Variants in HEMK2 observed in about 807,000 individuals in gnomAD.
HEMK2 encodes the protein HemK methyltransferase 2, ETF1 glutamine and histone H4 lysine.
the HEMK2 span, among the ~76,000 whole-genome samples, chr21:28,723,239 C>T: frequency 6.6e-6 from 1 of 152,144 alleles, no homozygotes. Flanking sequence ...TGGTCTCAAA[C>T]TCTTGGCTTC....
At chr21:28,766,623 AATAG>A in the HEMK2 span, among the ~76,000 whole-genome samples, 3 of 152,078 alleles carry the variant, frequency 2.0e-5, no homozygotes, top group Non-Finnish European at 2.9e-5. Flanking sequence ...TCAACCAACG[AATAG>A]ATAAAGAAAA....
the HEMK2 span, among the ~76,000 whole-genome samples, chr21:28,738,585 G>A: frequency 6.6e-6 from 1 of 152,174 alleles, no homozygotes; most frequent in Middle Eastern, 3.2e-3. Context: ...TGACACTTGG[G>A]TCTCCCTTTC....
the HEMK2 span, among the ~76,000 whole-genome samples, chr21:28,788,279 TACACACACACACAC>T: frequency 1.4e-5 from 2 of 147,152 alleles, no homozygotes; most frequent in South Asian, 2.2e-4. Flanking sequence ...CCATCATATA[TACACACACACACAC>T]ACACACACAC....
At chr21:28,732,811 G>A in the HEMK2 span, among the ~76,000 whole-genome samples, 2 of 152,154 alleles carry the variant, frequency 1.3e-5, no homozygotes, top group African/African-American at 4.8e-5. Flanking sequence ...TTTCTGCTGA[G>A]TCTCAGACCT....
At chr21:28,702,961 A>G in the HEMK2 span, among the ~76,000 whole-genome samples, 4 of 152,216 alleles carry the variant, frequency 2.6e-5, no homozygotes, top group Non-Finnish European at 4.4e-5. Context: ...CATATACACA[A>G]TGGAATACTA....
At chr21:28,577,878 C>T in the HEMK2 span, among the ~76,000 whole-genome samples, 1 of 152,266 alleles carries the variant, frequency 6.6e-6, no homozygotes, top group South Asian at 2.1e-4. Flanking sequence ...ATTTCTAGTA[C>T]CCTTACTTTT....
chr21:28,836,551 C>T, the HEMK2 span, among the ~76,000 whole-genome samples: 1 of 151,688 alleles, frequency 6.6e-6, no homozygotes, highest in South Asian at 2.1e-4. Context: ...AAGCATAAAT[C>T]ACACAGGACC....
chr21:28,690,437 C>A, the HEMK2 span, among the ~76,000 whole-genome samples: 14 of 152,320 alleles, frequency 9.2e-5, 1 homozygote, highest in South Asian at 2.9e-3. Flanking sequence ...CCTTATGAGA[C>A]TCATAGCAGA....
chr21:28,714,199 T>C, the HEMK2 span, among the ~76,000 whole-genome samples: 1 of 152,258 alleles, frequency 6.6e-6, no homozygotes, highest in Non-Finnish European at 1.5e-5. Context: ...CTAAGCTTTG[T>C]CTTACCCAAA....
At chr21:28,873,913 T>C in the HEMK2 span, 1 of 152,198 alleles carries the variant, frequency 6.6e-6, no homozygotes, top group Non-Finnish European at 1.5e-5. Flanking sequence ...ATTTTGCTAG[T>C]GGGTCACCAG....
the HEMK2 span, among the ~76,000 whole-genome samples, chr21:28,797,677 GA>G: frequency 6.6e-6 from 1 of 151,940 alleles, no homozygotes; most frequent in African/African-American, 2.4e-5. Context: ...TAAAAGATGG[GA>G]AAAAAATAAC....
At chr21:28,702,527 A>G in the HEMK2 span, among the ~76,000 whole-genome samples, 1 of 152,208 alleles carries the variant, frequency 6.6e-6, no homozygotes. Flanking sequence ...TCAAATGAAG[A>G]CACACACGCA....
At chr21:28,801,282 T>C in the HEMK2 span, among the ~76,000 whole-genome samples, 122 of 152,340 alleles carry the variant, frequency 8.0e-4, no homozygotes, top group Admixed American at 4.1e-3. Flanking sequence ...GGGAGCCAAC[T>C]AGAAAGAATA....
At chr21:28,748,219 T>C in the HEMK2 span, among the ~76,000 whole-genome samples, 1 of 152,188 alleles carries the variant, frequency 6.6e-6, no homozygotes, top group Non-Finnish European at 1.5e-5. Flanking sequence ...CATCACACAA[T>C]ACAGTCATGT....
chr21:28,638,183 A>G, the HEMK2 span, among the ~76,000 whole-genome samples: 2 of 152,216 alleles, frequency 1.3e-5, no homozygotes, highest in Non-Finnish European at 2.9e-5. Context: ...ATATTTTAAA[A>G]GAAAGTCCTT....
At chr21:28,754,847 G>A in the HEMK2 span, among the ~76,000 whole-genome samples, 10 of 152,190 alleles carry the variant, frequency 6.6e-5, no homozygotes, top group Non-Finnish European at 1.2e-4. Context: ...TAAGAAAAGC[G>A]TTAAGACCTT....
the HEMK2 span, among the ~76,000 whole-genome samples, chr21:28,632,222 A>G: frequency 6.6e-6 from 1 of 152,236 alleles, no homozygotes; most frequent in Non-Finnish European, 1.5e-5. Flanking sequence ...ATATTACCCT[A>G]TATCAGAGTT....
At chr21:28,772,633 CTTCT>C in the HEMK2 span, among the ~76,000 whole-genome samples, 1 of 152,100 alleles carries the variant, frequency 6.6e-6, no homozygotes, top group Admixed American at 6.6e-5. Context: ...TGCTCATTGA[CTTCT>C]TTAAGCTTGG....
At chr21:28,813,971 A>G in the HEMK2 span, among the ~76,000 whole-genome samples, 15 of 152,202 alleles carry the variant, frequency 9.9e-5, no homozygotes, top group Non-Finnish European at 2.1e-4. Context: ...GTGGTGGCTC[A>G]CACTTGTCTT....
Sources: gnomAD v4.1 joint callset for allele counts (sites outside exome capture counted in the v4.1 genomes callset) on GRCh38, gnomAD v4.1.1 for gene constraint, MANE v1.5 for transcripts, NCBI Gene and HGNC (gene_info 2026-07-23, HGNC 2026-07-21) for gene names.